THEMIS: variants seen among roughly 807,000 people sequenced by gnomAD.
The protein encoded by THEMIS is thymocyte selection associated, also known as protein THEMIS.
A neutral mutation model predicts 52.6 loss-of-function variants in THEMIS; 37 were observed. That is an observed-to-expected ratio of 0.70 (90% CI 0.54 to 0.93). The LOEUF (loss-of-function observed/expected upper bound fraction) is 0.93, where lower values mean the gene tolerates loss of function less well. Among genes scored for constraint, THEMIS ranks in the 40% least tolerant of loss-of-function variants. The pLI, the probability that THEMIS is intolerant of heterozygous loss-of-function variation, is 0.00. For missense variants in THEMIS, 808 were observed against 763.1 expected (o/e 1.06, Z -0.69); for synonymous variants, 292 against 272.7 (o/e 1.07, Z -0.70).
At chr6:127,819,473 AT>A (rs1778259998) in intron 3 of THEMIS, among the ~76,000 whole-genome samples, 1 of 152,168 alleles carries the variant, frequency 6.6e-6, no homozygotes, top group Non-Finnish European at 1.5e-5. Context: ...ACCAAAAAAA[AT>A]CTATATTGAA....
At chr6:127,893,162 T>C (rs1780862303) in intron 1 of THEMIS, among the ~76,000 whole-genome samples, 1 of 152,114 alleles carries the variant, frequency 6.6e-6, no homozygotes, top group Non-Finnish European at 1.5e-5. Context: ...TTTTATGTGG[T>C]TTCTTTAAAT....
At chr6:127,764,032 A>C (rs1404778306) in intron 4 of THEMIS, among the ~76,000 whole-genome samples, 2 of 152,006 alleles carry the variant, frequency 1.3e-5, no homozygotes, top group African/African-American at 2.4e-5. Flanking sequence ...AGGAAGAAAC[A>C]AATGAGAGTA....
At chr6:127,767,731 T>A (rs1467166350) in intron 4 of THEMIS, among the ~76,000 whole-genome samples, 1 of 152,226 alleles carries the variant, frequency 6.6e-6, no homozygotes, top group African/African-American at 2.4e-5. Flanking sequence ...TATAAACCAT[T>A]GATATTGTCA....
intron 3 of THEMIS, among the ~76,000 whole-genome samples, chr6:127,820,467 G>A (rs1460951564): frequency 6.6e-6 from 1 of 152,078 alleles, no homozygotes; most frequent in Non-Finnish European, 1.5e-5. Context: ...CACAGGGACT[G>A]GACAGGAGAC....
intron 4 of THEMIS, among the ~76,000 whole-genome samples, chr6:127,737,115 C>G (rs1001719527): frequency 6.6e-6 from 1 of 152,140 alleles, no homozygotes; most frequent in Non-Finnish European, 1.5e-5. Flanking sequence ...TATATTCCCA[C>G]CAGATGGCAG....
chr6:127,909,442 C>G (rs1415306502), intron 1 of THEMIS, among the ~76,000 whole-genome samples: 1 of 152,058 alleles, frequency 6.6e-6, no homozygotes, highest in African/African-American at 2.4e-5. Flanking sequence ...GGAGCTTCCC[C>G]CTTCACTTGG....
downstream of THEMIS, among the ~76,000 whole-genome samples, chr6:127,704,306 G>A (rs6918575): frequency 0.47 from 71,210 of 151,724 alleles, 17,925 homozygotes; most frequent in Non-Finnish European, 0.58. Flanking sequence ...TATGGGGCCA[G>A]GAGGAAGGCG....
At chr6:127,905,494 A>G (rs1781245446), upstream of THEMIS, among the ~76,000 whole-genome samples, 1 of 152,066 alleles carries the variant, frequency 6.6e-6, no homozygotes, top group Non-Finnish European at 1.5e-5. Context: ...GAAATACTAT[A>G]AAGGGTGTTC....
chr6:127,801,902 T>C (rs1777548650), intron 4 of THEMIS, among the ~76,000 whole-genome samples: 1 of 152,074 alleles, frequency 6.6e-6, no homozygotes, highest in South Asian at 2.1e-4. Flanking sequence ...CTCTAATTTA[T>C]ATAAAGAGAA....
At chr6:127,740,047 G>C (rs1775145541) in intron 4 of THEMIS, among the ~76,000 whole-genome samples, 1 of 152,184 alleles carries the variant, frequency 6.6e-6, no homozygotes, top group Non-Finnish European at 1.5e-5. Flanking sequence ...TGTAAGGACA[G>C]GGTTGGAAAA....
chr6:127,756,529 T>C (rs1035017076), intron 4 of THEMIS, among the ~76,000 whole-genome samples: 3 of 152,332 alleles, frequency 2.0e-5, no homozygotes, highest in South Asian at 2.1e-4. Flanking sequence ...AGCTTTTTTT[T>C]CCTGAAAGTC....
intron 2 of THEMIS, among the ~76,000 whole-genome samples, chr6:127,842,631 A>G (rs918346892): frequency 6.6e-6 from 1 of 152,018 alleles, no homozygotes; most frequent in Admixed American, 6.6e-5. Flanking sequence ...CTTTTCAACT[A>G]GTATAAAAAT....
chr6:127,714,060 G>A (rs951977925), intron 5 of THEMIS, among the ~76,000 whole-genome samples: 3 of 151,908 alleles, frequency 2.0e-5, no homozygotes, highest in Admixed American at 6.6e-5. Context: ...GTTCTTTGAA[G>A]ATAAAGCCAA....
rs116705764 is a variant in THEMIS, at chr6:127,762,329, G to T, written c.1759-42506C>A. Among the ~76,000 whole-genome samples, 526 of 151,798 alleles carry T rather than the reference G, an allele frequency of 3.5e-3. 2 individuals are homozygous for T. The highest frequency in any genetic ancestry group is 0.012 in the African/African-American group (497 of 41,398). On this transcript the variant is annotated intron_variant, in intron 4 of 5. Transcript: ENST00000368248. ...GCTCTAAAGATATTGTATACAATAT[G>T]GTATCTATATTCAACAATATTATAT...
rs549765322 is a variant in THEMIS at position 127,765,722 on chromosome 6, C to A, written c.1759-45899G>T. 9.7e-4 allele frequency among the ~76,000 whole-genome samples: 148 copies of A among 152,062 alleles called. 1 individual carries two copies. Among genetic ancestry groups the A allele is most frequent in the African/African-American group, 3.5e-3 (144 of 41,532 alleles). Reference sequence around the variant, plus strand: ...ACTTACCACTGTGTTACAATTGCCTCCAGTATTCAGTACAATAACATAATG... The same window carrying A: ...ACTTACCACTGTGTTACAATTGCCTACAGTATTCAGTACAATAACATAATG... On this transcript the variant is annotated intron_variant, in intron 4 of 5. Coordinates refer to ENST00000368248, the MANE Select transcript of THEMIS (RefSeq NM_001010923.3).
At chr6:127,756,539 C>T (rs1387181972) in intron 4 of THEMIS, among the ~76,000 whole-genome samples, 1 of 152,086 alleles carries the variant, frequency 6.6e-6, no homozygotes, top group Non-Finnish European at 1.5e-5. Flanking sequence ...TCCTGAAAGT[C>T]CTCTGTCACT....
At chr6:127,743,101 G>A (rs145024671) in intron 4 of THEMIS, among the ~76,000 whole-genome samples, 11 of 152,078 alleles carry the variant, frequency 7.2e-5, no homozygotes, top group African/African-American at 2.7e-4. Flanking sequence ...AGAGAAAATG[G>A]GCTATTCTCC....
At chr6:127,868,626 A>G in intron 1 of THEMIS, among the ~76,000 whole-genome samples, 1 of 152,142 alleles carries the variant, frequency 6.6e-6, no homozygotes, top group South Asian at 2.1e-4. Flanking sequence ...TGCCTTGTCT[A>G]TTTATTCCCA....
At chr6:127,874,519 A>G (rs890387344) in intron 1 of THEMIS, among the ~76,000 whole-genome samples, 11 of 152,172 alleles carry the variant, frequency 7.2e-5, no homozygotes, top group African/African-American at 2.4e-4. Flanking sequence ...TTTATCTTAA[A>G]TATTTCTAGG....
Sources: gnomAD v4.1 joint callset for allele counts (sites outside exome capture counted in the v4.1 genomes callset) on GRCh38, gnomAD v4.1.1 for gene constraint, MANE v1.5 for transcripts, NCBI Gene and HGNC (gene_info 2026-07-23, HGNC 2026-07-21) for gene names.